The following TSPAN18 variants were observed in gnomAD, a reference collection of about 807,000 sequenced individuals.
The protein encoded by TSPAN18 is tetraspanin-18.
Under a neutral mutation model 27.3 loss-of-function variants are expected in TSPAN18, and 14 were observed. The ratio of observed to expected loss-of-function variants is 0.51; its 90% CI spans 0.34 to 0.80. The LOEUF (loss-of-function observed/expected upper bound fraction) is 0.80. Among genes scored for constraint, TSPAN18 ranks in the 30% least tolerant of loss-of-function variants. The pLI is 0.01. For synonymous variants in TSPAN18, 143 were observed against 136.5 expected, an observed-to-expected ratio of 1.05 and a Z score of -0.33; for missense variants, 268 against 323.9, an observed-to-expected ratio of 0.83 and a Z score of 1.32.
At chr11:44,763,869 C>T (rs1855507105) in intron 1 of TSPAN18, among the ~76,000 whole-genome samples, 1 of 152,048 alleles carries the variant, frequency 6.6e-6, no homozygotes, top group African/African-American at 2.4e-5. Context: ...CATTCTTGCA[C>T]TGCTGTAAAG....
Position 44,908,790 on chromosome 11 carries a change from A to AG in TSPAN18, c.64-914dup, listed in dbSNP as rs764386255. Among the ~76,000 whole-genome samples the AG allele has an allele frequency of 1.1e-3, 104 of 94,536 alleles. 8 individuals are homozygous for AG. Among genetic ancestry groups the AG allele is most frequent in the African/African-American group, 2.4e-3 (48 of 20,414 alleles). The allele number at this position is 94,536 out of a possible 152,430, so 62.0% of individuals were successfully genotyped here. A position where few individuals can be genotyped will look rare whatever the true frequency, so the allele number is the denominator to read the frequency against. On this transcript the variant is annotated intron_variant, in intron 4 of 9. Coordinates refer to ENST00000520358, the MANE Select transcript of TSPAN18 (RefSeq NM_130783.5). ...AAAGGAGAAAGAAAGAAAGAAAGAA[A>AG]GAAAGAAAGAAAGAAAGAAAGAAAG...
At chr11:44,895,808 T>C (rs932379823) in intron 3 of TSPAN18, among the ~76,000 whole-genome samples, 2 of 152,138 alleles carry the variant, frequency 1.3e-5, no homozygotes, top group Non-Finnish European at 2.9e-5. Context: ...GGAATGGTGA[T>C]ACAGGGGACC....
At chr11:44,810,083 A>G (rs1856680927) in intron 2 of TSPAN18, among the ~76,000 whole-genome samples, 2 of 152,204 alleles carry the variant, frequency 1.3e-5, no homozygotes, top group African/African-American at 4.8e-5. Flanking sequence ...CCTTCATATC[A>G]TTGGGAAAAC....
intron 3 of TSPAN18, chr11:44,885,789 C>T (rs1421664642): frequency 6.6e-6 from 1 of 152,202 alleles, no homozygotes; most frequent in East Asian, 1.9e-4. Flanking sequence ...CGGTTGTTCA[C>T]CCTCCATAAT....
At chr11:44,887,751 G>T (rs1393397651) in intron 3 of TSPAN18, among the ~76,000 whole-genome samples, 2 of 152,138 alleles carry the variant, frequency 1.3e-5, no homozygotes, top group East Asian at 3.9e-4. Flanking sequence ...AAAGCCGGAA[G>T]CTCCCTGCAC....
intron 3 of TSPAN18, among the ~76,000 whole-genome samples, chr11:44,891,170 C>T (rs1174777445): frequency 1.3e-5 from 2 of 152,140 alleles, no homozygotes; most frequent in African/African-American, 4.8e-5. Context: ...GACCCTGTCC[C>T]CCAAGATAAA....
chr11:44,893,239 A>G (rs557874482), intron 3 of TSPAN18, among the ~76,000 whole-genome samples: 1 of 152,332 alleles, frequency 6.6e-6, no homozygotes, highest in South Asian at 2.1e-4. Context: ...GAGCCTGCAG[A>G]TGCTCTGTGC....
chr11:44,744,936 T>G (rs1565130761), intron 1 of TSPAN18, among the ~76,000 whole-genome samples: 1 of 152,160 alleles, frequency 6.6e-6, no homozygotes, highest in Non-Finnish European at 1.5e-5. Context: ...TTACCCAGGC[T>G]CAGCAGGAAG....
chr11:44,912,398 T>C (rs1476097721), intron 5 of TSPAN18, among the ~76,000 whole-genome samples: 1 of 151,786 alleles, frequency 6.6e-6, no homozygotes, highest in East Asian at 2.0e-4. Context: ...CCCGTTTCCC[T>C]GTCTCTCTCT....
At chr11:44,832,180 G>A (rs1857168786) in intron 2 of TSPAN18, among the ~76,000 whole-genome samples, 1 of 152,136 alleles carries the variant, frequency 6.6e-6, no homozygotes, top group Admixed American at 6.5e-5. Flanking sequence ...GACATCGCTC[G>A]ACCCCAGTGG....
At chr11:44,802,169 G>C (rs1311172114) in intron 2 of TSPAN18, among the ~76,000 whole-genome samples, 1 of 152,174 alleles carries the variant, frequency 6.6e-6, no homozygotes, top group African/African-American at 2.4e-5. Context: ...AGGCAATAGA[G>C]GGGGAGTTTG....
At chr11:44,882,318 T>C (rs1858510304) in intron 3 of TSPAN18, among the ~76,000 whole-genome samples, 1 of 152,136 alleles carries the variant, frequency 6.6e-6, no homozygotes, top group Non-Finnish European at 1.5e-5. Context: ...GTTCTTCCTT[T>C]TCCCATTGAG....
At chr11:44,924,002 T>G (rs944454033) in intron 8 of TSPAN18, among the ~76,000 whole-genome samples, 4 of 152,124 alleles carry the variant, frequency 2.6e-5, no homozygotes, top group Non-Finnish European at 5.9e-5. Flanking sequence ...CTGGACAAGG[T>G]CCCCGGCTTC....
intron 2 of TSPAN18, among the ~76,000 whole-genome samples, chr11:44,766,266 C>T (rs1242394679): frequency 6.6e-6 from 1 of 152,202 alleles, no homozygotes; most frequent in African/African-American, 2.4e-5. Flanking sequence ...AGGCTGAGGC[C>T]TTAGTGGACA....
At chr11:44,906,577 A>G in intron 4 of TSPAN18, 98 bp downstream of exon 4, 7 of 1,243,430 alleles carry the variant, frequency 5.6e-6, no homozygotes, top group Non-Finnish European at 7.0e-6. Flanking sequence ...GGGCGAGCAC[A>G]GGGGCCGGCG....
chr11:44,751,231 C>T (rs1032780155), intron 1 of TSPAN18, among the ~76,000 whole-genome samples: 2 of 152,154 alleles, frequency 1.3e-5, no homozygotes, highest in African/African-American at 4.8e-5. Context: ...GTGCTTGGCT[C>T]CCTGCACACT....
chr11:44,797,447 G>A (rs1230747281), intron 2 of TSPAN18, among the ~76,000 whole-genome samples: 2 of 152,152 alleles, frequency 1.3e-5, no homozygotes, highest in Non-Finnish European at 2.9e-5. Flanking sequence ...TTATTTATAG[G>A]ATAGATCTGG....
At chr11:44,887,483 A>G (rs1163189955) in intron 3 of TSPAN18, among the ~76,000 whole-genome samples, 1 of 152,198 alleles carries the variant, frequency 6.6e-6, no homozygotes, top group African/African-American at 2.4e-5. Flanking sequence ...GGGAATAATA[A>G]TATGCCTGAC....
intron 1 of TSPAN18, among the ~76,000 whole-genome samples, chr11:44,737,833 G>T (rs1854834204): frequency 6.6e-6 from 1 of 151,742 alleles, no homozygotes; most frequent in African/African-American, 2.4e-5. Flanking sequence ...TCCTCCCCTG[G>T]ACTGCTTTTT....
Sources: allele counts gnomAD v4.1 joint callset (sites outside exome capture counted in the v4.1 genomes callset), GRCh38; gene constraint gnomAD v4.1.1; transcripts MANE v1.5; gene names NCBI Gene and HGNC (gene_info 2026-07-23, HGNC 2026-07-21).